CTNNA3: variants seen among roughly 807,000 people sequenced by gnomAD.
CTNNA3 encodes the protein catenin alpha 3, also known as catenin alpha-3.
In CTNNA3, 76 loss-of-function variants were observed where a neutral mutation model predicts 95.7. The observed-to-expected ratio is 0.79, with a 90% CI of 0.66 to 0.96. The LOEUF (loss-of-function observed/expected upper bound fraction) is 0.96, where lower values mean the gene tolerates loss of function less well. Ranked by LOEUF, CTNNA3 falls within the 40% of genes least tolerant of loss-of-function variation. The pLI is 0.00. For missense variants in CTNNA3, 1,191 were observed against 1,089.8 expected (o/e 1.09, Z -1.31); for synonymous variants, 431 against 374.4 (o/e 1.15, Z -1.74).
intron 5 of CTNNA3, among the ~76,000 whole-genome samples, chr10:67,287,075 C>T (rs1839635721): frequency 6.6e-6 from 1 of 152,106 alleles, no homozygotes; most frequent in Non-Finnish European, 1.5e-5. Flanking sequence ...CGCGGTGGCT[C>T]GTGCTTATAA....
chr10:66,266,508 A>G (rs541146208), intron 13 of CTNNA3, among the ~76,000 whole-genome samples: 11 of 152,158 alleles, frequency 7.2e-5, no homozygotes, highest in African/African-American at 1.9e-4. Context: ...TCCTACTTGC[A>G]TTTTGATTAG....
chr10:67,741,664 C>T (rs1034494040), intron 1 of CTNNA3, among the ~76,000 whole-genome samples: 2 of 151,104 alleles, frequency 1.3e-5, no homozygotes, highest in African/African-American at 2.4e-5. Context: ...CAATATTAAC[C>T]TTAAATGTAA....
chr10:66,534,053 T>C (rs1206472442), intron 10 of CTNNA3, among the ~76,000 whole-genome samples: 2 of 152,206 alleles, frequency 1.3e-5, no homozygotes, highest in East Asian at 3.8e-4. Context: ...TAAAGATTAT[T>C]CCAAGTGAAT....
chr10:66,238,900 T>C (rs905565516), intron 13 of CTNNA3, among the ~76,000 whole-genome samples: 1 of 151,930 alleles, frequency 6.6e-6, no homozygotes, highest in Non-Finnish European at 1.5e-5. Context: ...ATGTGAAAAA[T>C]ACTGTCAGTA....
chr10:67,206,664 A>C (rs937656746), intron 6 of CTNNA3, among the ~76,000 whole-genome samples: 1 of 151,582 alleles, frequency 6.6e-6, no homozygotes, highest in Non-Finnish European at 1.5e-5. Context: ...GACCTTCAAA[A>C]AAAAAAAAAT....
chr10:65,934,347 T>A (rs1284156378), intron 17 of CTNNA3, among the ~76,000 whole-genome samples: 1 of 152,116 alleles, frequency 6.6e-6, no homozygotes, highest in African/African-American at 2.4e-5. Flanking sequence ...TTGCTTCACA[T>A]CACACCCATG....
At chr10:67,556,563 T>C (rs1359202379) in intron 3 of CTNNA3, among the ~76,000 whole-genome samples, 1 of 152,240 alleles carries the variant, frequency 6.6e-6, no homozygotes, top group African/African-American at 2.4e-5. Context: ...TAGTATTCTC[T>C]GATGGTACTT....
At chr10:66,908,448 T>C (rs1482739116) in intron 7 of CTNNA3, among the ~76,000 whole-genome samples, 3 of 152,182 alleles carry the variant, frequency 2.0e-5, no homozygotes, top group Non-Finnish European at 2.9e-5. Context: ...TCACCTGCTT[T>C]ACCGAATGTT....
At chr10:67,126,451 C>T (rs1028661975) in intron 7 of CTNNA3, among the ~76,000 whole-genome samples, 12 of 152,234 alleles carry the variant, frequency 7.9e-5, no homozygotes, top group African/African-American at 2.4e-4. Context: ...CGCTTGATCC[C>T]GGGAGGCGGA....
At chr10:66,496,156 T>C (rs913352714) in intron 11 of CTNNA3, among the ~76,000 whole-genome samples, 7 of 152,180 alleles carry the variant, frequency 4.6e-5, no homozygotes, top group Admixed American at 1.3e-4. Context: ...ATGTGTCATA[T>C]ATTGCATGAT....
intron 1 of CTNNA3, among the ~76,000 whole-genome samples, chr10:67,683,718 GTGTT>G (rs1258295060): frequency 6.6e-6 from 1 of 152,184 alleles, no homozygotes; most frequent in Admixed American, 6.5e-5. Flanking sequence ...CTCGTGGTGA[GTGTT>G]ACCACTCTTA....
chr10:67,585,033 GC>G (rs1564762069), intron 3 of CTNNA3, among the ~76,000 whole-genome samples: 1 of 152,150 alleles, frequency 6.6e-6, no homozygotes, highest in Non-Finnish European at 1.5e-5. Flanking sequence ...GCGATGCCCC[GC>G]CCTGCTTCAG....
At chr10:66,101,584 G>A (rs2081632302) in intron 14 of CTNNA3, among the ~76,000 whole-genome samples, 1 of 152,086 alleles carries the variant, frequency 6.6e-6, no homozygotes, top group Admixed American at 6.6e-5. Context: ...TATAGTAAAT[G>A]AGAAAATACT....
chr10:67,200,618 T>G (rs1163756828), intron 6 of CTNNA3, among the ~76,000 whole-genome samples: 1 of 152,144 alleles, frequency 6.6e-6, no homozygotes, highest in Non-Finnish European at 1.5e-5. Context: ...CAAGTCAAAA[T>G]TCTTTAATGC....
At chr10:67,118,079 T>C (rs575492174) in intron 7 of CTNNA3, among the ~76,000 whole-genome samples, 4 of 152,136 alleles carry the variant, frequency 2.6e-5, no homozygotes, top group African/African-American at 9.6e-5. Flanking sequence ...AGTTATTGCC[T>C]TTCAGACAAC....
intron 10 of CTNNA3, among the ~76,000 whole-genome samples, chr10:66,527,822 T>C (rs534742763): frequency 6.6e-6 from 1 of 152,272 alleles, no homozygotes; most frequent in African/African-American, 2.4e-5. Context: ...TTTTAAGATT[T>C]GTGTGTGTAT....
At chr10:66,145,815 A>G (rs2083854732) in intron 13 of CTNNA3, among the ~76,000 whole-genome samples, 1 of 152,164 alleles carries the variant, frequency 6.6e-6, no homozygotes, top group South Asian at 2.1e-4. Context: ...AAAATGAGAC[A>G]TGAATGCTGG....
chr10:66,999,188 A>G (rs536820213), intron 7 of CTNNA3, among the ~76,000 whole-genome samples: 1 of 152,264 alleles, frequency 6.6e-6, no homozygotes, highest in South Asian at 2.1e-4. Flanking sequence ...CAAATATTTC[A>G]TTAAGACTTC....
At chr10:67,369,516 A>C (rs1188354668) in intron 5 of CTNNA3, among the ~76,000 whole-genome samples, 1 of 152,212 alleles carries the variant, frequency 6.6e-6, no homozygotes, top group Non-Finnish European at 1.5e-5. Flanking sequence ...CAACAATTAA[A>C]ATCTTCTCCA....
Sources: gnomAD v4.1 joint callset for allele counts (sites outside exome capture counted in the v4.1 genomes callset) on GRCh38, gnomAD v4.1.1 for gene constraint, MANE v1.5 for transcripts, NCBI Gene and HGNC (gene_info 2026-07-23, HGNC 2026-07-21) for gene names.